Variants in CPSF4L observed in about 807,000 individuals in gnomAD.
CPSF4L encodes the protein putative cleavage and polyadenylation specificity factor subunit 4-like protein.
Under a neutral mutation model 24.0 loss-of-function variants are expected in CPSF4L, and 18 were observed. The ratio of observed to expected loss-of-function variants is 0.75; its 90% CI spans 0.52 to 1.11. The LOEUF (loss-of-function observed/expected upper bound fraction) is 1.11, where lower values mean the gene tolerates loss of function less well. CPSF4L is among the 50% of genes least tolerant of loss of function. The pLI is 0.00. For missense variants in CPSF4L, 211 were observed against 221.8 expected (o/e 0.95, Z 0.31); for synonymous variants, 72 against 77.2 (o/e 0.93, Z 0.35).
At chr17:73,250,110 C>A in intron 5 of CPSF4L, 1 of 705,472 alleles carries the variant, frequency 1.4e-6, no homozygotes. Flanking sequence ...AAGAAATAAA[C>A]CTGCCTGCCA....
upstream of CPSF4L, chr17:73,262,134 A>C: frequency 3.3e-6 from 1 of 299,266 alleles, no homozygotes; most frequent in Non-Finnish European, 6.2e-6. Context: ...GTTACCGAAC[A>C]CAAACGTGGC....
At chr17:73,255,345 A>G (rs2062020781) in intron 3 of CPSF4L, among the ~76,000 whole-genome samples, 1 of 151,822 alleles carries the variant, frequency 6.6e-6, no homozygotes, top group African/African-American at 2.4e-5. Context: ...CATCTCTACT[A>G]AAAATACAAA....
chr17:73,258,756 G>A (rs189028652), intron 2 of CPSF4L, among the ~76,000 whole-genome samples: 2 of 152,236 alleles, frequency 1.3e-5, no homozygotes, highest in African/African-American at 2.4e-5. Context: ...ACCCCCTCTC[G>A]TCCTGCCAGG....
intron 1 of CPSF4L, 33 bp from the exon 2 acceptor site, chr17:73,261,016 T>C: frequency 6.5e-7 from 1 of 1,534,764 alleles, no homozygotes; most frequent in Non-Finnish European, 8.8e-7. Context: ...AGAAGGTAGC[T>C]TCCCCAGAGG....
intron 5 of CPSF4L, among the ~76,000 whole-genome samples, chr17:73,249,229 C>T (rs747662802): frequency 2.0e-5 from 3 of 152,170 alleles, no homozygotes; most frequent in African/African-American, 2.4e-5. Flanking sequence ...CAACCTTGAA[C>T]GGAGGAAGAG....
At chr17:73,259,968 T>G (rs1224827853) in intron 2 of CPSF4L, among the ~76,000 whole-genome samples, 1 of 152,210 alleles carries the variant, frequency 6.6e-6, no homozygotes, top group Non-Finnish European at 1.5e-5. Context: ...AGCCTCTACA[T>G]GAGCCATGAG....
At position 73,253,419 on chromosome 17, in the gene CPSF4L, C is replaced by T. The variant is rs200829189; in HGVS notation, c.403+512G>A. Among the ~76,000 whole-genome samples the T allele has an allele frequency of 3.9e-5, 6 of 152,342 alleles. No homozygotes were observed. The East Asian group carries it at 1.2e-3, about 29-fold the overall frequency. On this transcript the variant is annotated intron_variant, in intron 4 of 5. Coordinates refer to ENST00000344935, the MANE Select transcript of CPSF4L (RefSeq NM_001129885.1). ...CCCCCGCCCAGATCCCTAAAACCAA[C>T]AGCACTAAGAACTCCGTAAGAAAAA... is the stretch of plus-strand genomic sequence containing the variant.
downstream of CPSF4L, chr17:73,244,650 T>C (rs2061916716): frequency 6.7e-6 from 1 of 148,616 alleles, no homozygotes; most frequent in African/African-American, 2.5e-5. Context: ...GGTGTAAAAG[T>C]ACAAGATAAC....
In CPSF4L at chr17:73,253,960, G is replaced by T. The variant is rs182020766; in HGVS notation, c.374C>A (p.Pro125His). Residue 125 changes from proline to histidine, a missense_variant, in exon 4 of 6, where the codon CCT becomes CAT. Coordinates refer to ENST00000344935, the MANE Select transcript of CPSF4L (RefSeq NM_001129885.1). ...CTTGCAGAAACCTTGGTCATACCAA[G>T]GACAGTCCTGGGACTTGAAAGCTGG... ...VKPAFKSQDC[P>H]WYDQGFCKDG... 3.9e-6 allele frequency: 6 copies of T among 1,551,626 alleles called. No individual in the cohort carries two copies. The East Asian group carries it at 1.2e-4, about 32-fold the overall frequency.
downstream of CPSF4L, among the ~76,000 whole-genome samples, chr17:73,243,740 G>A (rs2061894180): frequency 1.3e-5 from 2 of 151,748 alleles, no homozygotes; most frequent in African/African-American, 4.8e-5. Flanking sequence ...TCACCATATT[G>A]GCCAGGCTAG....
chr17:73,249,347 A>G (rs1169882958), intron 5 of CPSF4L, among the ~76,000 whole-genome samples: 5 of 152,210 alleles, frequency 3.3e-5, no homozygotes, highest in Admixed American at 3.3e-4. Context: ...AGTTTCAAAC[A>G]GTCCTGTGGC....
chr17:73,261,802 G>A lies in CPSF4L; in HGVS notation c.17C>T (p.Ala6Val), dbSNP rs369850545. 15 of 1,551,400 alleles carry A rather than the reference G, an allele frequency of 9.7e-6. No homozygotes were observed. Among genetic ancestry groups the A allele is most frequent in the African/African-American group, 9.6e-5 (7 of 73,046 alleles). Residue 6 changes from alanine to valine, a missense_variant, in exon 1 of 6, where the codon GCG becomes GTG. Coordinates refer to ENST00000344935, the MANE Select transcript of CPSF4L (RefSeq NM_001129885.1). Reference sequence around the variant, plus strand: ...GGCAAAGGTGAACCGCTCTAGCCCCGCAATGACCTCTTGCATCTTCCGTCT... The same window carrying A: ...GGCAAAGGTGAACCGCTCTAGCCCCACAATGACCTCTTGCATCTTCCGTCT... Reference protein sequence around the residue: MQEVIAGLERFTFAFE... With the variant: MQEVIVGLERFTFAFE...
the CPSF4L span, chr17:73,243,109 T>C: frequency 5.2e-6 from 4 of 767,792 alleles, no homozygotes; most frequent in Non-Finnish European, 6.5e-6. Flanking sequence ...TTTACAGCTT[T>C]ACAGTATCTG....
At chr17:73,243,748 T>C (rs1343370444), downstream of CPSF4L, among the ~76,000 whole-genome samples, 1 of 152,064 alleles carries the variant, frequency 6.6e-6, no homozygotes, top group Non-Finnish European at 1.5e-5. Context: ...TTGGCCAGGC[T>C]AGTCTCGAAC....
At chr17:73,258,731 C>T (rs1055998639) in intron 2 of CPSF4L, among the ~76,000 whole-genome samples, 8 of 152,214 alleles carry the variant, frequency 5.3e-5, no homozygotes, top group East Asian at 1.9e-4. Context: ...CCTTTTCATT[C>T]CCAGAGTGCC....
At chr17:73,245,201 G>C, downstream of CPSF4L, 2 of 1,613,562 alleles carry the variant, frequency 1.2e-6, no homozygotes, top group Non-Finnish European at 1.7e-6. Flanking sequence ...TGTTGACCTG[G>C]ACATCACTTA....
chr17:73,245,790 A>G, downstream of CPSF4L: 1 of 832,706 alleles, frequency 1.2e-6, no homozygotes, highest in Non-Finnish European at 1.4e-6. Flanking sequence ...CACACTAACT[A>G]TAATGTTAAA....
the CPSF4L span, among the ~76,000 whole-genome samples, chr17:73,242,740 T>C: frequency 6.6e-6 from 1 of 152,224 alleles, no homozygotes. Context: ...AAGTTAAGGT[T>C]CTTTGATGTT....
intron 3 of CPSF4L, among the ~76,000 whole-genome samples, chr17:73,254,834 G>A (rs2062018323): frequency 1.3e-5 from 2 of 152,114 alleles, no homozygotes; most frequent in Admixed American, 6.5e-5. Context: ...AGTAGAGATG[G>A]GGTTTCACCA....
Sources: allele counts gnomAD v4.1 joint callset (sites outside exome capture counted in the v4.1 genomes callset), GRCh38; gene constraint gnomAD v4.1.1; transcripts MANE v1.5; gene names NCBI Gene and HGNC (gene_info 2026-07-23, HGNC 2026-07-21).